Variants in CDH12 observed in about 807,000 individuals in gnomAD.
CDH12 encodes the protein cadherin 12.
CDH12 carries 41 observed loss-of-function variants against 74.1 expected under a neutral mutation model. The observed-to-expected ratio is 0.55, with a 90% CI of 0.43 to 0.72. CDH12 has a LOEUF of 0.72. Among genes scored for constraint, CDH12 ranks in the 30% least tolerant of loss-of-function variants. The pLI is 0.00. For missense variants in CDH12, 945 were observed against 977.2 expected, an observed-to-expected ratio of 0.97 and a Z score of 0.44; for synonymous variants, 399 against 355.0, an observed-to-expected ratio of 1.12 and a Z score of -1.39.
At chr5:22,604,008 G>A (rs1266076800) in intron 1 of CDH12, among the ~76,000 whole-genome samples, 1 of 152,146 alleles carries the variant, frequency 6.6e-6, no homozygotes. Context: ...ACAGCCAAGG[G>A]AATCTAGTTC....
chr5:21,808,940 T>C (rs1561202965), intron 9 of CDH12, among the ~76,000 whole-genome samples: 1 of 152,052 alleles, frequency 6.6e-6, no homozygotes, highest in Non-Finnish European at 1.5e-5. Context: ...TTGGACAAAA[T>C]TTCAACACCA....
intron 6 of CDH12, among the ~76,000 whole-genome samples, chr5:21,950,433 GAAAC>G (rs1755799149): frequency 6.6e-6 from 1 of 151,750 alleles, no homozygotes; most frequent in Non-Finnish European, 1.5e-5. Flanking sequence ...ATAAGAAACA[GAAAC>G]AAACAGAAAC....
intron 1 of CDH12, among the ~76,000 whole-genome samples, chr5:22,661,100 G>A (rs1740322314): frequency 6.6e-6 from 1 of 151,714 alleles, no homozygotes; most frequent in Admixed American, 6.6e-5. Flanking sequence ...CTTCTAATGT[G>A]CAATTAGAGG....
chr5:22,428,206 TACAC>T (rs60523110), intron 2 of CDH12, among the ~76,000 whole-genome samples: 2,169 of 150,262 alleles, frequency 0.014, 18 homozygotes, highest in African/African-American at 0.021. Flanking sequence ...TATATATATA[TACAC>T]ACACACACAC....
At chr5:22,258,668 T>A (rs550815851) in intron 3 of CDH12, among the ~76,000 whole-genome samples, 73 of 152,268 alleles carry the variant, frequency 4.8e-4, no homozygotes, top group Non-Finnish European at 9.9e-4. Context: ...GGTGTATCAC[T>A]TTTTACCTTT....
At chr5:21,998,475 A>G (rs1319881649) in intron 5 of CDH12, among the ~76,000 whole-genome samples, 1 of 152,068 alleles carries the variant, frequency 6.6e-6, no homozygotes, top group Non-Finnish European at 1.5e-5. Flanking sequence ...TACGTAGTAC[A>G]GAGGACACAA....
At chr5:21,912,037 T>G (rs1204393881) in intron 6 of CDH12, among the ~76,000 whole-genome samples, 1 of 152,104 alleles carries the variant, frequency 6.6e-6, no homozygotes, top group Non-Finnish European at 1.5e-5. Flanking sequence ...CTTTTTGGTT[T>G]GTTTGTGTGT....
chr5:22,466,852 A>T (rs1383576992), intron 2 of CDH12, among the ~76,000 whole-genome samples: 1 of 120,022 alleles, frequency 8.3e-6, no homozygotes, highest in Non-Finnish European at 1.6e-5. Flanking sequence ...GCAATGGCGC[A>T]GTCTCGGCTC....
chr5:21,752,307 A>C (rs943671983), intron 14 of CDH12, 71 bp from the exon 15 acceptor site: 1 of 1,416,350 alleles, frequency 7.1e-7, no homozygotes. Context: ...CATAAAAATT[A>C]AAAATGATTA....
chr5:22,633,998 A>T (rs1359538061), intron 1 of CDH12, among the ~76,000 whole-genome samples: 1 of 152,170 alleles, frequency 6.6e-6, no homozygotes, highest in Non-Finnish European at 1.5e-5. Context: ...ATTGCTATAA[A>T]GCTTTTGTAT....
At chr5:22,156,454 A>T (rs969851962) in intron 4 of CDH12, among the ~76,000 whole-genome samples, 1 of 152,174 alleles carries the variant, frequency 6.6e-6, no homozygotes, top group Admixed American at 6.6e-5. Context: ...GCTAAGATAC[A>T]TGTTAAGGAG....
chr5:22,019,675 A>G (rs1057075062), intron 5 of CDH12, among the ~76,000 whole-genome samples: 11 of 152,182 alleles, frequency 7.2e-5, no homozygotes, highest in African/African-American at 2.7e-4. Context: ...TCCACCCTCC[A>G]TAACTGTGAG....
chr5:22,670,098 T>C (rs2169790), intron 1 of CDH12, among the ~76,000 whole-genome samples: 102,618 of 152,058 alleles, frequency 0.67, 34,876 homozygotes, highest in Admixed American at 0.73. Context: ...GTGGCCCTGA[T>C]AGAAAAGTCC....
intron 3 of CDH12, among the ~76,000 whole-genome samples, chr5:22,246,396 C>T (rs955451843): frequency 2.6e-5 from 4 of 152,030 alleles, no homozygotes; most frequent in South Asian, 2.1e-4. Context: ...TTTCAAATAT[C>T]TTAGAACCAA....
chr5:21,792,513 A>C (rs954820373), intron 10 of CDH12, among the ~76,000 whole-genome samples: 1 of 151,764 alleles, frequency 6.6e-6, no homozygotes, highest in African/African-American at 2.4e-5. Flanking sequence ...CTAAAGAAGA[A>C]GAAATATACC....
In CDH12 at chr5:22,596,309, C is replaced by T. The variant is rs558566064; in HGVS notation, c.-522-90945G>A. Among the ~76,000 whole-genome samples the T allele has an allele frequency of 6.4e-4, 95 of 147,594 alleles. 1 individual carries two copies. Among genetic ancestry groups the T allele is most frequent in the African/African-American group, 2.2e-3 (88 of 39,960 alleles). On this transcript the variant is annotated intron_variant, in intron 1 of 14. Transcript: ENST00000382254. Reference sequence around the variant, plus strand: ...AAAAAAAATTAGCTGGGTGTGGTGGCGGACAGCTATAATCCCAGCTACTCT... The same window carrying T: ...AAAAAAAATTAGCTGGGTGTGGTGGTGGACAGCTATAATCCCAGCTACTCT...
At chr5:22,040,583 G>T (rs2150182847) in intron 5 of CDH12, among the ~76,000 whole-genome samples, 1 of 152,194 alleles carries the variant, frequency 6.6e-6, no homozygotes, top group Non-Finnish European at 1.5e-5. Context: ...CACATATAAA[G>T]GAATTAACAT....
chr5:22,572,976 G>A (rs1739611827), intron 1 of CDH12, among the ~76,000 whole-genome samples: 1 of 152,122 alleles, frequency 6.6e-6, no homozygotes, highest in South Asian at 2.1e-4. Context: ...AAACTGAAAT[G>A]CTTTGTATTT....
intron 6 of CDH12, among the ~76,000 whole-genome samples, chr5:21,901,956 T>C (rs1411179694): frequency 3.3e-5 from 5 of 152,186 alleles, no homozygotes; most frequent in Admixed American, 3.3e-4. Context: ...ATTCTTGTTC[T>C]GCTAGCCACT....
Sources: allele counts gnomAD v4.1 joint callset (sites outside exome capture counted in the v4.1 genomes callset), GRCh38; gene constraint gnomAD v4.1.1; transcripts MANE v1.5; gene names NCBI Gene and HGNC (gene_info 2026-07-23, HGNC 2026-07-21).